KCNIP3: variants seen among roughly 807,000 people sequenced by gnomAD.
KCNIP3 encodes calsenilin.
In KCNIP3, 28 loss-of-function variants were observed where a neutral mutation model predicts 35.0. The observed-to-expected ratio is 0.80, with a 90% CI of 0.59 to 1.10. The LOEUF (loss-of-function observed/expected upper bound fraction) is 1.10, where lower values mean the gene tolerates loss of function less well. Among genes scored for constraint, KCNIP3 ranks in the 50% least tolerant of loss-of-function variants. KCNIP3 has a pLI of 0.00. For missense variants in KCNIP3, 295 were observed against 338.4 expected, an observed-to-expected ratio of 0.87 and a Z score of 1.01; for synonymous variants, 134 against 133.8, an observed-to-expected ratio of 1.00 and a Z score of -0.01.
chr2:95,358,786 G>A (rs1273593560), intron 2 of KCNIP3, among the ~76,000 whole-genome samples: 1 of 152,174 alleles, frequency 6.6e-6, no homozygotes, highest in East Asian at 1.9e-4. Flanking sequence ...CTGCAGTAAG[G>A]GCACTAGTTC....
At chr2:95,353,702 C>T (rs1177587126) in intron 2 of KCNIP3, among the ~76,000 whole-genome samples, 3 of 152,076 alleles carry the variant, frequency 2.0e-5, no homozygotes, top group Non-Finnish European at 4.4e-5. Flanking sequence ...TGCAGGCGGG[C>T]GAGCCTGGGT....
intron 2 of KCNIP3, among the ~76,000 whole-genome samples, chr2:95,365,158 C>CTTTTTTT (rs75136882): frequency 3.3e-5 from 4 of 120,490 alleles, no homozygotes; most frequent in Non-Finnish European, 5.1e-5. Flanking sequence ...GTCCTTATGT[C>CTTTTTTT]TTTTTTTTTT....
At chr2:95,348,227 T>C (rs889153408) in intron 2 of KCNIP3, among the ~76,000 whole-genome samples, 6 of 152,110 alleles carry the variant, frequency 3.9e-5, no homozygotes, top group East Asian at 1.9e-4. Context: ...GGATTGGAGA[T>C]GGGGGAGAAA....
At chr2:95,353,808 A>G (rs1430023032) in intron 2 of KCNIP3, among the ~76,000 whole-genome samples, 2 of 152,166 alleles carry the variant, frequency 1.3e-5, no homozygotes, top group South Asian at 4.1e-4. Context: ...AGCTCGGCTC[A>G]GATTTCCACA....
rs959380048 is a variant in KCNIP3 at position 95,378,847 on chromosome 2, CATAT to C, written c.448-2743_448-2740del. Among the ~76,000 whole-genome samples the C allele has an allele frequency of 2.0e-5, 3 of 150,416 alleles. No individual in the cohort carries two copies. The highest frequency in any genetic ancestry group is 2.9e-5 in the Non-Finnish European group (2 of 67,816). ...ATATATACACACATATTTATATACA[CATAT>C]ATATACACATATATACACACACACA... On this transcript the variant is annotated intron_variant, in intron 5 of 8. Transcript: ENST00000295225. This position sits in a 1 kb window ranked among gnomAD's most constrained non-coding sequence, Gnocchi z 4.0.
At chr2:95,381,295 G>T (rs912683724) in intron 5 of KCNIP3, among the ~76,000 whole-genome samples, 91 of 151,836 alleles carry the variant, frequency 6.0e-4, no homozygotes, top group Middle Eastern at 6.3e-3. Context: ...GCACACACAG[G>T]TGCACACCCT....
At chr2:95,310,315 G>A in intron 1 of KCNIP3, 40 bp from the exon 2 acceptor site, 2 of 1,613,204 alleles carry the variant, frequency 1.2e-6, no homozygotes, top group Non-Finnish European at 8.5e-7. Flanking sequence ...TCCCCCCTCT[G>A]AGCAGGGGCT....
chr2:95,304,082 C>T (rs1008441430), intron 1 of KCNIP3, among the ~76,000 whole-genome samples: 2 of 152,174 alleles, frequency 1.3e-5, no homozygotes, highest in African/African-American at 4.8e-5. Flanking sequence ...AGCAGCCTGG[C>T]GAGAGGCCGC....
At chr2:95,352,344 G>T (rs954293380) in intron 2 of KCNIP3, among the ~76,000 whole-genome samples, 4 of 152,140 alleles carry the variant, frequency 2.6e-5, no homozygotes, top group African/African-American at 9.7e-5. Context: ...AGGTCAGGGA[G>T]AAAGAGCAGG....
chr2:95,361,518 G>A (rs1296161978), intron 2 of KCNIP3, among the ~76,000 whole-genome samples: 2 of 152,112 alleles, frequency 1.3e-5, no homozygotes, highest in African/African-American at 2.4e-5. Flanking sequence ...CTCCATGCCC[G>A]GGTGCCCTTG....
chr2:95,302,860 C>T lies in KCNIP3; in HGVS notation c.15+5407C>T, dbSNP rs76058965. On this transcript the variant is annotated intron_variant, in intron 1 of 8. Coordinates refer to ENST00000295225, the MANE Select transcript of KCNIP3 (RefSeq NM_013434.5). ...GCCCTCTGAGCCCACACCCAGGGGC[C>T]CTGGTGGCACATACGAAGCCACTCA... Among the ~76,000 whole-genome samples, 401 of 152,298 alleles carry T rather than the reference C, an allele frequency of 2.6e-3. 24 individuals are homozygous for T. The East Asian group carries it at 0.071, about 27-fold the overall frequency.
chr2:95,364,501 A>C (rs1450017884), intron 2 of KCNIP3, among the ~76,000 whole-genome samples: 1 of 152,160 alleles, frequency 6.6e-6, no homozygotes, highest in Non-Finnish European at 1.5e-5. Flanking sequence ...CTCATGTTGA[A>C]ATGAATCCCC....
intron 2 of KCNIP3, 89 bp from the exon 3 acceptor site, chr2:95,374,207 C>G: frequency 6.7e-7 from 1 of 1,500,254 alleles, no homozygotes; most frequent in Non-Finnish European, 9.1e-7. Context: ...CCTCCACCTG[C>G]TATTTTGGCC....
intron 5 of KCNIP3, among the ~76,000 whole-genome samples, chr2:95,379,753 C>A (rs1458369880): frequency 6.6e-6 from 1 of 152,218 alleles, no homozygotes; most frequent in Admixed American, 6.5e-5. Flanking sequence ...GCCTCAGGCG[C>A]TGCTGCAGAG....
intron 2 of KCNIP3, among the ~76,000 whole-genome samples, chr2:95,350,862 G>A (rs948232287): frequency 6.6e-6 from 1 of 152,200 alleles, no homozygotes; most frequent in Non-Finnish European, 1.5e-5. Flanking sequence ...TTTCTTGGGG[G>A]ACTCTCTGTC....
rs1374268017 is a variant in KCNIP3, at chr2:95,335,368, G to A, written c.181+24848G>A. Reference sequence around the variant, plus strand: ...TGGGTATAGATTTCCAGGATGGCCAGTTACTGTTCTTTGAGCAATAGCATT... The same window carrying A: ...TGGGTATAGATTTCCAGGATGGCCAATTACTGTTCTTTGAGCAATAGCATT... On this transcript the variant is annotated intron_variant, in intron 2 of 8. Transcript: ENST00000295225. 4.6e-5 allele frequency among the ~76,000 whole-genome samples: 7 copies of A among 152,298 alleles called. No individual in the cohort carries two copies. The South Asian group carries it at 8.3e-4, about 18-fold the overall frequency.
intron 2 of KCNIP3, among the ~76,000 whole-genome samples, chr2:95,324,385 G>A (rs1573490184): frequency 6.6e-6 from 1 of 151,830 alleles, no homozygotes; most frequent in African/African-American, 2.4e-5. Context: ...GTGGTGGCGG[G>A]CGCCTGTAGT....
intron 2 of KCNIP3, among the ~76,000 whole-genome samples, chr2:95,354,189 T>G (rs1679596712): frequency 6.6e-6 from 1 of 152,166 alleles, no homozygotes; most frequent in Admixed American, 6.5e-5. Context: ...TCAGGTTGTG[T>G]TAGATAACAC....
chr2:95,300,200 C>A (rs1348218563), intron 1 of KCNIP3, among the ~76,000 whole-genome samples: 2 of 152,240 alleles, frequency 1.3e-5, no homozygotes, highest in East Asian at 3.9e-4. Context: ...AGTGAGTGCA[C>A]ACAAGCCAGA....
Sources: gnomAD v4.1 joint callset for allele counts (sites outside exome capture counted in the v4.1 genomes callset) on GRCh38, gnomAD v4.1.1 for gene constraint, Gnocchi (gnomAD v3.1) non-coding constraint, MANE v1.5 for transcripts, NCBI Gene and HGNC (gene_info 2026-07-23, HGNC 2026-07-21) for gene names.